Variants in TRPM7 observed in about 807,000 individuals in gnomAD.
TRPM7 encodes LTRPC ion channel family member 7.
In TRPM7, 134 loss-of-function variants were observed where a neutral mutation model predicts 229.7. The ratio of observed to expected loss-of-function variants is 0.58; its 90% confidence interval spans 0.51 to 0.67. TRPM7 has a LOEUF of 0.67. Ranked by LOEUF, TRPM7 falls within the 30% of genes least tolerant of loss-of-function variation. The pLI is 0.00. For missense variants in TRPM7, 1,901 were observed against 2,210.0 expected, an observed-to-expected ratio of 0.86 and a Z score of 2.80; for synonymous variants, 699 against 715.2, an observed-to-expected ratio of 0.98 and a Z score of 0.36.
intron 2 of TRPM7, among the ~76,000 whole-genome samples, chr15:50,659,027 T>C (rs1173039554): frequency 3.3e-5 from 5 of 151,948 alleles, no homozygotes; most frequent in African/African-American, 4.8e-5. Flanking sequence ...TGAAACCCCG[T>C]CTCTACTAAA....
In TRPM7 at chr15:50,560,293, T is replaced by A. The variant is rs1467787424; in HGVS notation, c.*1385A>T. ...TCAGAATGATTAAACTCACTAAACATCTGTAAACAATAAATTTATTTCATT... is the reference window on the plus strand; with the variant it reads ...TCAGAATGATTAAACTCACTAAACAACTGTAAACAATAAATTTATTTCATT... On this transcript the variant is annotated 3_prime_UTR_variant, in exon 39 of 39. Transcript: ENST00000646667. The A allele has an allele frequency of 6.6e-6, 1 of 152,542 alleles. No homozygotes were observed. Among genetic ancestry groups the A allele is most frequent in the Non-Finnish European group, 1.5e-5 (1 of 68,018 alleles). 9.4% of individuals were successfully genotyped at this position (152,542 alleles called of 1,614,324 possible).
At chr15:50,644,973 C>G (rs2061221031) in intron 4 of TRPM7, among the ~76,000 whole-genome samples, 1 of 150,516 alleles carries the variant, frequency 6.6e-6, no homozygotes, top group African/African-American at 2.4e-5. Flanking sequence ...GCCACCACGG[C>G]TCACTGCAGC....
At chr15:50,613,567 G>C in intron 15 of TRPM7, 140 bp downstream of exon 15, 1 of 470,530 alleles carries the variant, frequency 2.1e-6, no homozygotes, top group Non-Finnish European at 3.3e-6. Flanking sequence ...CTGTGTGTGA[G>C]AAAATGACAA....
chr15:50,650,268 C>T (rs958344209), intron 3 of TRPM7, among the ~76,000 whole-genome samples: 5 of 149,334 alleles, frequency 3.3e-5, no homozygotes, highest in African/African-American at 7.4e-5. Flanking sequence ...CAGCAATAGC[C>T]GAAACAATTT....
chr15:50,573,600 G>C (rs912492693), intron 36 of TRPM7, among the ~76,000 whole-genome samples: 1 of 152,168 alleles, frequency 6.6e-6, no homozygotes, highest in South Asian at 2.1e-4. Flanking sequence ...TTTTTAGGTA[G>C]TTTAGTTCAC....
chr15:50,625,202 G>A (rs7175149), intron 11 of TRPM7, among the ~76,000 whole-genome samples: 89,638 of 151,790 alleles, frequency 0.59, 26,745 homozygotes, highest in African/African-American at 0.67. Context: ...TGTATTTTAA[G>A]TATTTTAGTA....
intron 12 of TRPM7, among the ~76,000 whole-genome samples, chr15:50,621,554 T>C (rs1273280060): frequency 6.6e-6 from 1 of 152,218 alleles, no homozygotes; most frequent in Non-Finnish European, 1.5e-5. Flanking sequence ...TAAAATTGTA[T>C]TATTTCATTC....
intron 1 of TRPM7, among the ~76,000 whole-genome samples, chr15:50,679,492 T>G (rs905247374): frequency 8.3e-6 from 1 of 120,122 alleles, no homozygotes; most frequent in African/African-American, 3.2e-5. Context: ...ATATATATTA[T>G]ATATATGTGT....
At chr15:50,666,574 C>A (rs934296392) in intron 1 of TRPM7, among the ~76,000 whole-genome samples, 1 of 151,968 alleles carries the variant, frequency 6.6e-6, no homozygotes, top group Non-Finnish European at 1.5e-5. Context: ...GAGGCTGAGG[C>A]GGGCAGATCA....
Position 50,596,320 on chromosome 15 carries a change from A to G in TRPM7, c.3225T>C (p.Phe1075=), listed in dbSNP as rs1288212562. 5.6e-6 allele frequency: 9 copies of G among 1,608,946 alleles called. No individual in the cohort carries two copies. Among genetic ancestry groups the G allele is most frequent in the Non-Finnish European group, 7.6e-6 (9 of 1,177,220 alleles). The change falls in exon 23 of 39, where the codon TTT becomes TTC. Residue 1075 remains phenylalanine, a synonymous_variant. Transcript: ENST00000646667. ...ICGPGTWLTP[F]LQAVYLFVQY... ...GTACAAAGAGGTAGACTGCTTGAAG[A>G]AATGGAGTCAACCACGTCCCAGGAC...
chr15:50,671,857 G>A (rs2061995998), intron 1 of TRPM7, among the ~76,000 whole-genome samples: 1 of 152,012 alleles, frequency 6.6e-6, no homozygotes, highest in Admixed American at 6.6e-5. Context: ...TAAGTTCATA[G>A]CACCAGGACT....
intron 1 of TRPM7, among the ~76,000 whole-genome samples, chr15:50,676,818 G>C (rs531705810): frequency 1.2e-4 from 18 of 152,238 alleles, no homozygotes; most frequent in Non-Finnish European, 2.5e-4. Flanking sequence ...CAGCTGGAAA[G>C]TGATGGGAAA....
At chr15:50,652,378 G>C (rs1167447185) in intron 3 of TRPM7, among the ~76,000 whole-genome samples, 1 of 108,362 alleles carries the variant, frequency 9.2e-6, no homozygotes, top group Non-Finnish European at 2.0e-5. Context: ...ACAGAAAAGA[G>C]AAAAATCGTG....
Position 50,575,764 on chromosome 15 carries a change from C to A in TRPM7, c.4695G>T (p.Arg1565Ser). ...YSAVERNNLM[R>S]LSQSIPFTPV... ...GTGTAAATGGAATGCTCTGTGATAA[C>A]CTCATCAAGTTATTTCTTTCCACAG... The change falls in exon 33 of 39, where the codon AGG becomes AGT. Residue 1565 changes from arginine (R) to serine (S), a missense_variant. Transcript: ENST00000646667. 3.7e-6 allele frequency: 6 copies of A among 1,613,418 alleles called. No individual in the cohort carries two copies. The highest frequency in any genetic ancestry group is 2.2e-5 in the East Asian group (1 of 44,754).
intron 21 of TRPM7, among the ~76,000 whole-genome samples, chr15:50,602,073 C>T (rs2059796561): frequency 6.6e-6 from 1 of 151,594 alleles, no homozygotes; most frequent in Non-Finnish European, 1.5e-5. Context: ...ACTATAAAGA[C>T]ACATGCACAC....
intron 1 of TRPM7, among the ~76,000 whole-genome samples, chr15:50,670,250 G>A (rs2061959919): frequency 6.6e-6 from 1 of 152,090 alleles, no homozygotes; most frequent in Non-Finnish European, 1.5e-5. Flanking sequence ...GGGGGGAAAC[G>A]TCAGAGGTGT....
chr15:50,670,590 A>G (rs2061965775), intron 1 of TRPM7, among the ~76,000 whole-genome samples: 1 of 152,094 alleles, frequency 6.6e-6, no homozygotes, highest in Non-Finnish European at 1.5e-5. Flanking sequence ...TACCCTATAT[A>G]GTTTAAAAAG....
chr15:50,602,152 G>A (rs1164030595), intron 21 of TRPM7, among the ~76,000 whole-genome samples: 1 of 152,042 alleles, frequency 6.6e-6, no homozygotes, highest in East Asian at 1.9e-4. Flanking sequence ...GTCAATGATA[G>A]ACTGGATTAA....
In TRPM7 at chr15:50,591,910, C is replaced by A. The variant is rs766166305; in HGVS notation, c.4324+1G>T. The A allele has an allele frequency of 1.3e-6, 2 of 1,538,294 alleles. No homozygotes were observed. The highest frequency in any genetic ancestry group is 1.4e-5 in the African/African-American group (1 of 71,952). ...TACAAATACGAATTTGCCAAACTTACCTACAAATGCTCCAAATTCTGTATT... is the reference window on the plus strand; with the variant it reads ...TACAAATACGAATTTGCCAAACTTAACTACAAATGCTCCAAATTCTGTATT... On this transcript the variant is annotated splice_donor_variant, in intron 26 of 38. Coordinates refer to ENST00000646667, the MANE Select transcript of TRPM7 (RefSeq NM_017672.6). LOFTEE classifies it high-confidence loss of function.
Sources: gnomAD v4.1 joint callset for allele counts (sites outside exome capture counted in the v4.1 genomes callset) on GRCh38, gnomAD v4.1.1 for gene constraint, MANE v1.5 for transcripts, NCBI Gene and HGNC (gene_info 2026-07-23, HGNC 2026-07-21) for gene names.